Variants in TET1 observed in about 807,000 individuals in gnomAD.
TET1 encodes methylcytosine dioxygenase TET1.
In TET1, 13 loss-of-function variants were observed where a neutral mutation model predicts 148.7. The observed-to-expected ratio is 0.09, with a 90% CI of 0.06 to 0.14. The LOEUF (loss-of-function observed/expected upper bound fraction) is 0.14. Among genes scored for constraint, TET1 ranks in the 10% least tolerant of loss-of-function variants. The pLI is 1.00. For synonymous variants in TET1, 907 were observed against 937.2 expected, an observed-to-expected ratio of 0.97 and a Z score of 0.59; for missense variants, 2,182 against 2,553.8, an observed-to-expected ratio of 0.85 and a Z score of 3.14.
At chr10:68,634,828 G>A (rs2054627005) in intron 3 of TET1, among the ~76,000 whole-genome samples, 1 of 151,994 alleles carries the variant, frequency 6.6e-6, no homozygotes, top group Non-Finnish European at 1.5e-5. Flanking sequence ...GCGGTGCTGT[G>A]ATAGCTCACT....
rs767278366 is a variant in TET1 at position 68,686,409 on chromosome 10, T to C, written c.5106T>C (p.Asp1702=). Residue 1702 remains aspartate (D), a synonymous_variant, in exon 11 of 12, where the codon GAT becomes GAC. Coordinates refer to ENST00000373644, the MANE Select transcript of TET1 (RefSeq NM_030625.3). ...GCTCTTTGGGTGTTATTCCTCAAGA[T>C]GAGCAGCTCCATGTGCTACCTCTTT... ...DNRSLGVIPQ[D]EQLHVLPLYK... is the part of the protein sequence containing the mutation. 6.2e-6 allele frequency: 10 copies of C among 1,613,828 alleles called. No homozygotes were observed. Among genetic ancestry groups the C allele is most frequent in the Non-Finnish European group, 8.5e-6 (10 of 1,179,848 alleles).
intron 3 of TET1, among the ~76,000 whole-genome samples, chr10:68,615,356 C>CTTTTTTTTT (rs71019038): frequency 2.1e-5 from 3 of 145,280 alleles, no homozygotes; most frequent in African/African-American, 2.5e-5. Flanking sequence ...CTTTTCTTTT[C>CTTTTTTTTT]TTTTTTTGAG....
chr10:68,565,590 A>G (rs1187329397), intron 1 of TET1, among the ~76,000 whole-genome samples: 1 of 151,968 alleles, frequency 6.6e-6, no homozygotes, highest in Non-Finnish European at 1.5e-5. Context: ...AATGTTTACA[A>G]AAAAGAAATT....
intron 8 of TET1, among the ~76,000 whole-genome samples, chr10:68,679,765 C>A (rs1318626287): frequency 3.3e-5 from 5 of 152,120 alleles, no homozygotes; most frequent in Non-Finnish European, 5.9e-5. Context: ...TCTTCACCTC[C>A]CAGATTCAAT....
intron 8 of TET1, chr10:68,674,986 TG>T: frequency 2.5e-6 from 1 of 394,090 alleles, no homozygotes; most frequent in South Asian, 2.3e-5. Context: ...AGCTTTGAAT[TG>T]GGGAAACTCA....
chr10:68,593,915 A>AGTT, intron 2 of TET1, among the ~76,000 whole-genome samples: 1 of 44,724 alleles, frequency 2.2e-5, no homozygotes, highest in South Asian at 1.2e-3. Context: ...CGCCTGAGCT[A>AGTT]TTTTTTTTTT....
intron 3 of TET1, among the ~76,000 whole-genome samples, chr10:68,610,728 G>A (rs926797337): frequency 1.3e-5 from 2 of 152,060 alleles, no homozygotes; most frequent in African/African-American, 2.4e-5. Context: ...TGTGATCATG[G>A]CTCACTGCAG....
chr10:68,654,856 A>G (rs1301844084), intron 6 of TET1, among the ~76,000 whole-genome samples: 2 of 152,150 alleles, frequency 1.3e-5, no homozygotes, highest in Non-Finnish European at 2.9e-5. Flanking sequence ...TGAAAACTTG[A>G]CTGGGGGAGA....
Position 68,574,304 on chromosome 10 carries a change from C to T in TET1, c.1914+52C>T, listed in dbSNP as rs527834862. On this transcript the variant is annotated intron_variant, in intron 2 of 11. Coordinates refer to ENST00000373644, the MANE Select transcript of TET1 (RefSeq NM_030625.3). ...GACAGCTGACACTTGGTATAGTGATCTATATGCAGAGACACTTCTAGTGTC... is the reference window on the plus strand; with the variant it reads ...GACAGCTGACACTTGGTATAGTGATTTATATGCAGAGACACTTCTAGTGTC... The T allele has an allele frequency of 5.5e-6, 8 of 1,451,708 alleles. No individual in the cohort carries two copies. The East Asian group carries it at 1.6e-4, about 29-fold the overall frequency. The allele number at this position is 1,451,708 out of a possible 1,614,324, so 89.9% of individuals were successfully genotyped here.
intron 9 of TET1, 23 bp from the exon 10 acceptor site, chr10:68,682,812 TG>T: frequency 3.1e-6 from 5 of 1,608,506 alleles, no homozygotes; most frequent in Non-Finnish European, 4.2e-6. Context: ...CTCTTAAGAT[TG>T]TGCTCCATGC....
chr10:68,589,891 C>T (rs1450723545), intron 2 of TET1, among the ~76,000 whole-genome samples: 3 of 151,928 alleles, frequency 2.0e-5, no homozygotes, highest in Non-Finnish European at 1.5e-5. Context: ...AGGCTGGTCT[C>T]GTACTCCTGG....
chr10:68,691,785 G>T lies in TET1; in HGVS notation c.6382G>T (p.Val2128Phe). The T allele has an allele frequency of 6.2e-7, 1 of 1,613,466 alleles. No individual in the cohort carries two copies. The highest frequency in any genetic ancestry group is 8.5e-7 in the Non-Finnish European group (1 of 1,179,902). Residue 2128 changes from valine (V) to phenylalanine (F), a missense_variant, in exon 12 of 12, where the codon GTT becomes TTT. Coordinates refer to ENST00000373644, the MANE Select transcript of TET1 (RefSeq NM_030625.3). The surrounding 1 kb of genome is among the most constrained non-coding windows in gnomAD (Gnocchi z 4.4). Reference sequence around the variant, plus strand: ...CGTGTCCCCTTATGCTCTCACACACGTTGCGGGGCCCTATAACCATTGGGT... The same window carrying T: ...CGTGTCCCCTTATGCTCTCACACACTTTGCGGGGCCCTATAACCATTGGGT... ...VTVSPYALTH[V>F]AGPYNHWV
intron 3 of TET1, among the ~76,000 whole-genome samples, chr10:68,643,811 TG>T (rs1387546734): frequency 6.6e-6 from 1 of 151,808 alleles, no homozygotes; most frequent in Non-Finnish European, 1.5e-5. Context: ...AGACCCCGTC[TG>T]AAAAAAAATA....
rs747436142 is a variant in TET1, at chr10:68,646,093, A to G, written c.3364A>G (p.Thr1122Ala). The G allele has an allele frequency of 1.9e-6, 3 of 1,614,112 alleles. No individual in the cohort carries two copies. The highest frequency in any genetic ancestry group is 1.7e-5 in the Admixed American group (1 of 60,014). Residue 1122 changes from threonine to alanine, a missense_variant, in exon 4 of 12, where the codon ACA (threonine) becomes GCA (alanine). By Grantham distance (58) the Thr-to-Ala change is moderately conservative. Coordinates refer to ENST00000373644, the MANE Select transcript of TET1 (RefSeq NM_030625.3). ...VQQKYNQEKG[T>A]IQQKPPSSVH... ...GCAAAAATACAATCAGGAGAAGGGC[A>G]CAATACAACAGAAACCACCTTCAAG...
chr10:68,599,007 A>G (rs2054020856), intron 2 of TET1, among the ~76,000 whole-genome samples: 1 of 152,052 alleles, frequency 6.6e-6, no homozygotes, highest in South Asian at 2.1e-4. Flanking sequence ...TTCTTACATG[A>G]ATTTGTTAAA....
intron 3 of TET1, among the ~76,000 whole-genome samples, chr10:68,605,390 T>C (rs1406221838): frequency 6.6e-6 from 1 of 152,174 alleles, no homozygotes; most frequent in Non-Finnish European, 1.5e-5. Flanking sequence ...GGAGAATCAC[T>C]TGAATCCAGG....
At chr10:68,562,048 T>G (rs2053560702) in intron 1 of TET1, among the ~76,000 whole-genome samples, 1 of 151,998 alleles carries the variant, frequency 6.6e-6, no homozygotes, top group Non-Finnish European at 1.5e-5. Flanking sequence ...TGACTGCTTT[T>G]TGAAGAAATG....
intron 3 of TET1, among the ~76,000 whole-genome samples, chr10:68,617,086 G>A (rs1164355511): frequency 1.6e-5 from 2 of 124,972 alleles, no homozygotes; most frequent in African/African-American, 6.3e-5. Flanking sequence ...GAGTGCAGTG[G>A]CGCGATCTCA....
At chr10:68,619,601 G>T (rs1226571670) in intron 3 of TET1, among the ~76,000 whole-genome samples, 1 of 151,698 alleles carries the variant, frequency 6.6e-6, no homozygotes, top group East Asian at 1.9e-4. Flanking sequence ...ATATTCATGG[G>T]GTACAAAACA....
Sources: gnomAD v4.1 joint callset for allele counts (sites outside exome capture counted in the v4.1 genomes callset) on GRCh38, gnomAD v4.1.1 for gene constraint, Gnocchi (gnomAD v3.1) non-coding constraint, MANE v1.5 for transcripts, NCBI Gene and HGNC (gene_info 2026-07-23, HGNC 2026-07-21) for gene names.